EVI2B: variants seen among roughly 807,000 people sequenced by gnomAD.
EVI2B encodes ecotropic viral integration site 2B, also known as protein EVI2B.
EVI2B carries 4 observed loss-of-function variants against 6.6 expected under a neutral mutation model. The ratio of observed to expected loss-of-function variants is 0.61; its 90% CI spans 0.30 to 1.39. The LOEUF (loss-of-function observed/expected upper bound fraction) is 1.39, where lower values mean the gene tolerates loss of function less well. Among genes scored for constraint, EVI2B ranks in the 40% most tolerant of loss-of-function variants. EVI2B has a pLI of 0.08. For missense variants in EVI2B, 484 were observed against 516.6 expected, an observed-to-expected ratio of 0.94 and a Z score of 0.61; for synonymous variants, 181 against 186.8, an observed-to-expected ratio of 0.97 and a Z score of 0.25.
intron 1 of EVI2B, among the ~76,000 whole-genome samples, chr17:31,310,627 C>T (rs1312975362): frequency 6.6e-6 from 1 of 152,048 alleles, no homozygotes; most frequent in Non-Finnish European, 1.5e-5. Flanking sequence ...GTATCCTTAC[C>T]ATCCTCTCCC....
chr17:31,311,782 T>G (rs916164476), intron 1 of EVI2B, among the ~76,000 whole-genome samples: 1 of 152,204 alleles, frequency 6.6e-6, no homozygotes, highest in African/African-American at 2.4e-5. Flanking sequence ...ATGCTAATCT[T>G]GTGCCAGAAC....
intron 1 of EVI2B, among the ~76,000 whole-genome samples, chr17:31,311,981 G>A (rs1379432043): frequency 6.6e-6 from 1 of 152,138 alleles, no homozygotes; most frequent in Non-Finnish European, 1.5e-5. Flanking sequence ...CTGATTCTAC[G>A]AAAACTATTA....
rs137953656 is a variant in EVI2B at position 31,304,468 on chromosome 17, T to C, written c.1142A>G (p.Asn381Ser). 2.5e-4 allele frequency: 403 copies of C among 1,614,122 alleles called. 1 individual carries two copies. In the African/African-American group the frequency reaches 4.7e-3, roughly 19 times the overall value. The change falls in exon 2 of 2, where the codon AAT becomes AGT. Residue 381 changes from asparagine (N) to serine (S), a missense_variant. Asn to Ser is a conservative substitution (Grantham distance 46, BLOSUM62 1). Transcript: ENST00000330927. ...AGATTTATGATCTCCACAGTCTTGA[T>C]TGAGACAGTCCAGAGATGGAGGGAG... ...TSLPPSLDCL[N>S]QDCGDHKSEI...
intron 1 of EVI2B, among the ~76,000 whole-genome samples, chr17:31,308,750 T>G (rs191843693): frequency 2.6e-5 from 4 of 152,320 alleles, no homozygotes; most frequent in African/African-American, 9.6e-5. Context: ...CCAAGTTCTC[T>G]GTGACTGACT....
chr17:31,310,311 A>G (rs1032400283), intron 1 of EVI2B, among the ~76,000 whole-genome samples: 6 of 152,146 alleles, frequency 3.9e-5, no homozygotes, highest in East Asian at 1.9e-4. Context: ...AGGAAGGTCA[A>G]TTGACTAGAG....
chr17:31,312,877 A>G (rs1268797913), intron 1 of EVI2B, among the ~76,000 whole-genome samples: 1 of 152,012 alleles, frequency 6.6e-6, no homozygotes, highest in African/African-American at 2.4e-5. Flanking sequence ...TTATTTGCCC[A>G]TTTTACCCAC....
At chr17:31,313,722 ATGTGTGTGTGTGTGTG>A (rs60267436) in intron 1 of EVI2B, among the ~76,000 whole-genome samples, 11 of 139,026 alleles carry the variant, frequency 7.9e-5, no homozygotes, top group East Asian at 6.2e-4. Context: ...AAAAAAAAAT[ATGTGTGTGTGTGTGTG>A]TGTGTGTGTG....
At chr17:31,306,174 T>C (rs2068715667) in intron 1 of EVI2B, among the ~76,000 whole-genome samples, 1 of 152,208 alleles carries the variant, frequency 6.6e-6, no homozygotes, top group South Asian at 2.1e-4. Context: ...GTAATCAGTC[T>C]TCCTTTCATG....
intron 1 of EVI2B, among the ~76,000 whole-genome samples, chr17:31,309,008 C>T (rs184043948): frequency 7.2e-5 from 11 of 152,284 alleles, no homozygotes; most frequent in Admixed American, 7.2e-4. Context: ...CCCAGTTTTG[C>T]ATACTTTATT....
In EVI2B at chr17:31,304,444, G is replaced by A; in HGVS notation, c.1166C>T (p.Ser389Phe). ...CLNQDCGDHK[S>F]EIIQSFPPLD... ...CGGTGGAAATGATTGTATTATCTCA[G>A]ATTTATGATCTCCACAGTCTTGATT... Residue 389 changes from serine (S) to phenylalanine (F), a missense_variant, in exon 2 of 2, where the codon TCT becomes TTT. Transcript: ENST00000330927. 6 of 1,614,132 alleles carry A rather than the reference G, an allele frequency of 3.7e-6. No homozygotes were observed. Among genetic ancestry groups the A allele is most frequent in the Non-Finnish European group, 5.1e-6 (6 of 1,179,998 alleles).
At chr17:31,305,987 A>G (rs1177157800) in intron 1 of EVI2B, among the ~76,000 whole-genome samples, 3 of 152,168 alleles carry the variant, frequency 2.0e-5, no homozygotes, top group African/African-American at 7.2e-5. Flanking sequence ...TGCTGGATCC[A>G]TGTGTTCTCT....
At chr17:31,313,722 ATGTGTGTG>A (rs60267436) in intron 1 of EVI2B, among the ~76,000 whole-genome samples, 59,603 of 138,830 alleles carry the variant, frequency 0.43, 14,681 homozygotes, top group Middle Eastern at 0.56. Context: ...AAAAAAAAAT[ATGTGTGTG>A]TGTGTGTGTG....
rs1231665001 is a variant in EVI2B at position 31,304,652 on chromosome 17, T to C, written c.958A>G (p.Ser320Gly). The change falls in exon 2 of 2, where the codon AGT (serine) becomes GGT (glycine). Residue 320 changes from serine to glycine, a missense_variant. Coordinates refer to ENST00000330927, the MANE Select transcript of EVI2B (RefSeq NM_006495.4). ...GTTCCAACTGTTGAACCATCAGCAC[T>C]ATCTTCTGATGTACCATTTACTTGA... ...KDQVNGTSED[S>G]ADGSTVGTAV... 3 of 1,614,086 alleles carry C rather than the reference T, an allele frequency of 1.9e-6. No individual in the cohort carries two copies. Among genetic ancestry groups the C allele is most frequent in the Non-Finnish European group, 2.5e-6 (3 of 1,180,026 alleles).
rs2068699941 is a variant in EVI2B at position 31,305,648 on chromosome 17, T to G, written c.-21-18A>C. On this transcript the variant is annotated intron_variant, in intron 1 of 1. Coordinates refer to ENST00000330927, the MANE Select transcript of EVI2B (RefSeq NM_006495.4). ...CTCGTTATCTATAGCGGGTTTATAA[T>G]GAAAGAGAAAGACAGTTAGGCGTCA... The G allele has an allele frequency of 1.8e-5, 28 of 1,570,334 alleles. No homozygotes were observed. The highest frequency in any genetic ancestry group is 2.2e-5 in the Non-Finnish European group (25 of 1,160,120).
In EVI2B at chr17:31,314,050, A is replaced by C. The variant is rs935611178; in HGVS notation, c.-93T>G. 3 of 398,066 alleles carry C rather than the reference A, an allele frequency of 7.5e-6. No individual in the cohort carries two copies. Among genetic ancestry groups the C allele is most frequent in the Non-Finnish European group, 1.3e-5 (3 of 225,836 alleles). The allele number at this position is 398,066 out of a possible 1,614,324, so 24.7% of individuals were successfully genotyped here. ...TGGACATTTTGGTGATTTGGCTAAG[A>C]AAGGAAAATGGGTGGTTCAATTCAG... On this transcript the variant is annotated 5_prime_UTR_variant, in exon 1 of 2. Transcript: ENST00000330927.
Position 31,304,289 on chromosome 17 carries a change from G to A in EVI2B, c.1321C>T (p.Pro441Ser), listed in dbSNP as rs749997264. 6.2e-7 allele frequency: 1 copy of A among 1,612,128 alleles called. No homozygotes were observed. Among genetic ancestry groups the A allele is most frequent in the East Asian group, 2.2e-5 (1 of 44,868 alleles). ...NSDQDLNESL[P>S]PPPAELL ...TATAACAGTTCTGCAGGTGGAGGTG[G>A]CAGGGATTCATTAAGATCTTGATCA... Residue 441 changes from proline (P) to serine (S), a missense_variant, in exon 2 of 2, where the codon CCA becomes TCA. Physicochemically the swap from Pro to Ser is moderately conservative, Grantham distance 74. Coordinates refer to ENST00000330927, the MANE Select transcript of EVI2B (RefSeq NM_006495.4).
Position 31,304,608 on chromosome 17 carries a change from A to G in EVI2B, c.1002T>C (p.Asp334=). The G allele has an allele frequency of 1.2e-6, 2 of 1,614,142 alleles. No individual in the cohort carries two copies. Among genetic ancestry groups the G allele is most frequent in the Non-Finnish European group, 1.7e-6 (2 of 1,180,012 alleles). ...STVGTAVSSS[D]DADLPPPPPL... ...GAGGTGGTGGAGGCAGATCTGCATCATCTGAAGAAGAAACAGCAGTTCCAA... is the reference window on the plus strand; with the variant it reads ...GAGGTGGTGGAGGCAGATCTGCATCGTCTGAAGAAGAAACAGCAGTTCCAA... Residue 334 remains aspartate (D), a synonymous_variant, in exon 2 of 2, where the codon GAT becomes GAC. Coordinates refer to ENST00000330927, the MANE Select transcript of EVI2B (RefSeq NM_006495.4).
chr17:31,309,127 G>A (rs568766287), intron 1 of EVI2B, among the ~76,000 whole-genome samples: 1 of 152,198 alleles, frequency 6.6e-6, no homozygotes, highest in Non-Finnish European at 1.5e-5. Flanking sequence ...TATACCACTC[G>A]AAGTGACAGA....
chr17:31,308,947 A>G (rs2151514415), intron 1 of EVI2B, among the ~76,000 whole-genome samples: 1 of 152,358 alleles, frequency 6.6e-6, no homozygotes, highest in South Asian at 2.1e-4. Flanking sequence ...TGAAGAAGGC[A>G]GAAAGGAGAA....
Sources: gnomAD v4.1 joint callset for allele counts (sites outside exome capture counted in the v4.1 genomes callset) on GRCh38, gnomAD v4.1.1 for gene constraint, MANE v1.5 for transcripts, NCBI Gene and HGNC (gene_info 2026-07-23, HGNC 2026-07-21) for gene names.